The following ZNF475 variants were observed in gnomAD, a reference collection of about 807,000 sequenced individuals.
ZNF475 encodes the protein zinc finger protein 475.
the ZNF475 span, among the ~76,000 whole-genome samples, chr5:122,181,023 T>G: frequency 6.6e-6 from 1 of 152,144 alleles, no homozygotes; most frequent in East Asian, 1.9e-4. Context: ...TTTCTCTGCT[T>G]GACCATAACT....
chr5:122,171,725 A>T, the ZNF475 span, among the ~76,000 whole-genome samples: 4 of 151,608 alleles, frequency 2.6e-5, no homozygotes, highest in African/African-American at 9.7e-5. Context: ...AATTAATTTT[A>T]TATTCTCTTC....
chr5:122,179,789 T>A, the ZNF475 span: 4 of 1,225,110 alleles, frequency 3.3e-6, no homozygotes, highest in African/African-American at 6.1e-5. Flanking sequence ...TCTAAACTAA[T>A]AAGAGCAGAA....
At chr5:122,165,707 T>C in the ZNF475 span, among the ~76,000 whole-genome samples, 2 of 150,666 alleles carry the variant, frequency 1.3e-5, no homozygotes, top group Non-Finnish European at 2.9e-5. Context: ...TATTTTGATG[T>C]AGGGATGATG....
the ZNF475 span, among the ~76,000 whole-genome samples, chr5:122,170,123 G>A: frequency 6.6e-6 from 1 of 152,298 alleles, no homozygotes; most frequent in South Asian, 2.1e-4. Flanking sequence ...GTAACTTAAA[G>A]TACCGTATTT....
chr5:122,161,658 T>C, the ZNF475 span, among the ~76,000 whole-genome samples: 1 of 152,182 alleles, frequency 6.6e-6, no homozygotes, highest in African/African-American at 2.4e-5. Flanking sequence ...TTTTCATCTC[T>C]TTAATTATAT....
chr5:122,165,754 C>T, the ZNF475 span, among the ~76,000 whole-genome samples: 7 of 130,666 alleles, frequency 5.4e-5, no homozygotes, highest in African/African-American at 1.7e-4. Context: ...ACGGATGATG[C>T]AACCTACAAA....
the ZNF475 span, among the ~76,000 whole-genome samples, chr5:122,161,757 C>T: frequency 6.6e-6 from 1 of 152,090 alleles, no homozygotes; most frequent in Non-Finnish European, 1.5e-5. Context: ...TACTCTGTGA[C>T]CTAGAAGCCA....
At chr5:122,173,263 T>A in the ZNF475 span, among the ~76,000 whole-genome samples, 5 of 152,218 alleles carry the variant, frequency 3.3e-5, no homozygotes, top group Admixed American at 2.6e-4. Flanking sequence ...TTTTAGCCTG[T>A]GCTATCAGAG....
At chr5:122,170,734 C>T in the ZNF475 span, among the ~76,000 whole-genome samples, 1 of 152,190 alleles carries the variant, frequency 6.6e-6, no homozygotes, top group Admixed American at 6.5e-5. Flanking sequence ...CCTCAGAGGT[C>T]AGCGAGTAGA....
At chr5:122,162,719 G>C in the ZNF475 span, among the ~76,000 whole-genome samples, 2 of 152,110 alleles carry the variant, frequency 1.3e-5, no homozygotes, top group Non-Finnish European at 2.9e-5. Flanking sequence ...CCACCCCTTG[G>C]TATTGTTGGA....
the ZNF475 span, chr5:122,160,241 A>G: frequency 7.8e-7 from 1 of 1,289,646 alleles, no homozygotes; most frequent in Non-Finnish European, 1.0e-6. Flanking sequence ...TGGCTCTCAC[A>G]TCGACAGACC....
chr5:122,160,365 G>A, the ZNF475 span: 6 of 973,554 alleles, frequency 6.2e-6, no homozygotes, highest in Non-Finnish European at 8.5e-6. Flanking sequence ...GTCGAAGGTG[G>A]GGAAAGTTAC....
the ZNF475 span, chr5:122,162,918 G>A: frequency 2.6e-5 from 4 of 152,270 alleles, no homozygotes; most frequent in Middle Eastern, 3.4e-3. Flanking sequence ...CTCTGGACTT[G>A]TAAGGCAGGG....
At chr5:122,170,264 T>C in the ZNF475 span, among the ~76,000 whole-genome samples, 2 of 152,180 alleles carry the variant, frequency 1.3e-5, no homozygotes, top group East Asian at 1.9e-4. Context: ...CCAGAGTTAG[T>C]GCAGACCTCA....
chr5:122,175,199 GT>G, the ZNF475 span, among the ~76,000 whole-genome samples: 1 of 152,142 alleles, frequency 6.6e-6, no homozygotes, highest in South Asian at 2.1e-4. Context: ...TATGTTAACT[GT>G]GGATTTATTC....
chr5:122,179,100 C>G, the ZNF475 span, among the ~76,000 whole-genome samples: 1 of 152,120 alleles, frequency 6.6e-6, no homozygotes, highest in Non-Finnish European at 1.5e-5. Context: ...GTCTATATAA[C>G]TGTTTTGGTA....
At chr5:122,160,303 G>A in the ZNF475 span, 7 of 1,284,268 alleles carry the variant, frequency 5.5e-6, no homozygotes, top group East Asian at 3.9e-4. Flanking sequence ...GGCTCCAGAA[G>A]GCAACCCAAG....
chr5:122,173,171 AT>A, the ZNF475 span, among the ~76,000 whole-genome samples: 8 of 152,106 alleles, frequency 5.3e-5, no homozygotes, highest in Non-Finnish European at 1.0e-4. Flanking sequence ...TGCTAGGAAT[AT>A]TTTTTTCCTT....
chr5:122,175,989 GAACT>G, the ZNF475 span, among the ~76,000 whole-genome samples: 2 of 151,894 alleles, frequency 1.3e-5, no homozygotes, highest in African/African-American at 4.8e-5. Flanking sequence ...CACTCCTTTG[GAACT>G]AACCTCTCAA....
Sources: gnomAD v4.1 joint callset for allele counts (sites outside exome capture counted in the v4.1 genomes callset) on GRCh38, gnomAD v4.1.1 for gene constraint, MANE v1.5 for transcripts, NCBI Gene and HGNC (gene_info 2026-07-23, HGNC 2026-07-21) for gene names.